DZIP1: variants seen among roughly 807,000 people sequenced by gnomAD.
The protein encoded by DZIP1 is cilium assembly protein DZIP1.
In DZIP1, 97 loss-of-function variants were observed where a neutral mutation model predicts 107.6. The ratio of observed to expected loss-of-function variants is 0.90; its 90% CI spans 0.77 to 1.07. DZIP1 has a LOEUF of 1.07. Among genes scored for constraint, DZIP1 ranks in the 50% least tolerant of loss-of-function variants. DZIP1 has a pLI of 0.00. For synonymous variants in DZIP1, 390 were observed against 386.4 expected (o/e 1.01, Z -0.11); for missense variants, 1,035 against 1,063.6 (o/e 0.97, Z 0.37).
chr13:95,607,036 G>C (rs909007854), intron 13 of DZIP1, among the ~76,000 whole-genome samples: 1 of 138,918 alleles, frequency 7.2e-6, no homozygotes, highest in Non-Finnish European at 1.6e-5. Context: ...ACAAACCTCA[G>C]CTACTTTTTT....
chr13:95,612,059 A>C lies in DZIP1; in HGVS notation c.1292T>G (p.Leu431Arg), dbSNP rs751401029. The C allele has an allele frequency of 2.5e-6, 4 of 1,613,660 alleles. No individual in the cohort carries two copies. In the African/African-American group the frequency reaches 5.3e-5, roughly 22 times the overall value. ...LGQRLQEQNE[L>R]IITQRQQIKD... ...TACCTGCTGTCTCTGAGTTATAATC[A>C]GCTCATTCTGCTCCTGGAGTCTCTG... Residue 431 changes from leucine to arginine, a missense_variant, in exon 11 of 23, where the codon CTG becomes CGG. By Grantham distance (102) the Leu-to-Arg change is moderately radical (BLOSUM62 -2). Coordinates refer to ENST00000376829, the MANE Select transcript of DZIP1 (RefSeq NM_198968.4).
At chr13:95,588,412 A>T (rs1003814471) in intron 19 of DZIP1, among the ~76,000 whole-genome samples, 1 of 152,230 alleles carries the variant, frequency 6.6e-6, no homozygotes, top group African/African-American at 2.4e-5. Context: ...TGTCATCAAT[A>T]TCTCCAGAAT....
At chr13:95,614,125 C>CAAAAAA (rs11327779) in intron 10 of DZIP1, among the ~76,000 whole-genome samples, 1 of 73,414 alleles carries the variant, frequency 1.4e-5, no homozygotes, top group Non-Finnish European at 2.8e-5. Flanking sequence ...GACCCTGTCT[C>CAAAAAA]AAAAAAAAAA....
intron 16 of DZIP1, among the ~76,000 whole-genome samples, chr13:95,593,471 T>C (rs2138864776): frequency 6.6e-6 from 1 of 152,334 alleles, no homozygotes; most frequent in East Asian, 1.9e-4. Context: ...AATCTATATA[T>C]GATATACCAA....
rs1282880534 is a variant in DZIP1 at position 95,584,613 on chromosome 13, G to A, written c.2524+123C>T. On this transcript the variant is annotated intron_variant, in intron 22 of 22. Coordinates refer to ENST00000376829, the MANE Select transcript of DZIP1 (RefSeq NM_198968.4). ...CCAATCCTTATTTAAATAACATAAA[G>A]AAAGCACTGACAGCTTTTTTGTCTG... 4 of 1,461,112 alleles carry A rather than the reference G, an allele frequency of 2.7e-6. No homozygotes were observed. The South Asian group carries it at 6.8e-5, about 25-fold the overall frequency. The allele number at this position is 1,461,112 out of a possible 1,614,324, so 90.5% of individuals were successfully genotyped here. A position where few individuals can be genotyped will look rare whatever the true frequency, so the allele number is the denominator to read the frequency against.
chr13:95,627,405 T>C (rs1346941921), intron 7 of DZIP1, among the ~76,000 whole-genome samples: 1 of 152,292 alleles, frequency 6.6e-6, no homozygotes, highest in East Asian at 1.9e-4. Flanking sequence ...ATGAAACTAT[T>C]AGTGTATATA....
In DZIP1 at chr13:95,630,120, C is replaced by A; in HGVS notation, c.686-7G>T. ...TGTGCATTTTTCTGATACTCTGTTGCAACAGAAAATCGTGTTAAAACACCA... is the reference window on the plus strand; with the variant it reads ...TGTGCATTTTTCTGATACTCTGTTGAAACAGAAAATCGTGTTAAAACACCA... On this transcript the variant is annotated splice_region_variant and splice_polypyrimidine_tract_variant and intron_variant, in intron 6 of 22. Transcript: ENST00000376829. The A allele has an allele frequency of 1.2e-6, 2 of 1,607,836 alleles. No homozygotes were observed. The highest frequency in any genetic ancestry group is 1.1e-5 in the South Asian group (1 of 89,760).
At chr13:95,631,209 C>T (rs1047941524) in intron 6 of DZIP1, among the ~76,000 whole-genome samples, 2 of 152,006 alleles carry the variant, frequency 1.3e-5, no homozygotes, top group Non-Finnish European at 2.9e-5. Context: ...TATTCCTAGC[C>T]CTTTGGTAGT....
chr13:95,607,939 T>C (rs769314422), intron 13 of DZIP1, among the ~76,000 whole-genome samples: 6 of 152,256 alleles, frequency 3.9e-5, no homozygotes, highest in Non-Finnish European at 5.9e-5. Flanking sequence ...TTACTGGCTA[T>C]AGGTCTGATT....
At chr13:95,629,854 G>C in intron 7 of DZIP1, 135 bp downstream of exon 7, 1 of 831,032 alleles carries the variant, frequency 1.2e-6, no homozygotes, top group Non-Finnish European at 1.7e-6. Context: ...CTAAAGAGTA[G>C]ATTGGCAATA....
intron 9 of DZIP1, among the ~76,000 whole-genome samples, chr13:95,620,575 A>G (rs186548155): frequency 6.6e-6 from 1 of 152,332 alleles, no homozygotes; most frequent in Non-Finnish European, 1.5e-5. Flanking sequence ...GGGCCAGACA[A>G]CTTGGTCACA....
At chr13:95,640,842 G>A (rs1878400741) in intron 5 of DZIP1, among the ~76,000 whole-genome samples, 1 of 152,150 alleles carries the variant, frequency 6.6e-6, no homozygotes, top group Non-Finnish European at 1.5e-5. Flanking sequence ...GGGGAATCTG[G>A]GTGAAGGGCG....
At chr13:95,598,344 G>T (rs1290476368) in intron 15 of DZIP1, among the ~76,000 whole-genome samples, 1 of 152,050 alleles carries the variant, frequency 6.6e-6, no homozygotes, top group Non-Finnish European at 1.5e-5. Flanking sequence ...ATACATGGAA[G>T]CAAAATAAAC....
At chr13:95,616,126 C>A (rs1029697833) in intron 10 of DZIP1, among the ~76,000 whole-genome samples, 3 of 152,150 alleles carry the variant, frequency 2.0e-5, no homozygotes, top group African/African-American at 7.2e-5. Flanking sequence ...ACCTGTGGTG[C>A]AGAGAAACTA....
At chr13:95,635,480 A>AC (rs1877692264) in intron 5 of DZIP1, among the ~76,000 whole-genome samples, 1 of 152,160 alleles carries the variant, frequency 6.6e-6, no homozygotes, top group South Asian at 2.1e-4. Flanking sequence ...TACAGGTGTA[A>AC]CCCACGGTGC....
chr13:95,622,989 C>G (rs1876089813), intron 8 of DZIP1, among the ~76,000 whole-genome samples: 1 of 152,108 alleles, frequency 6.6e-6, no homozygotes, highest in African/African-American at 2.4e-5. Context: ...ACACAACAAT[C>G]TGCCTACCTC....
In DZIP1 at chr13:95,590,404, ACT is replaced by A; in HGVS notation, c.1716_1717del (p.Arg572SerfsTer11). On this transcript the variant is annotated frameshift_variant, in exon 17 of 23. Transcript: ENST00000376829. LOFTEE classifies it high-confidence loss of function. Reference sequence around the variant, plus strand: ...TCTTTCTGATTCCACACTTTTTAGTACTCTATGCAACTGATCACTTGAAATGC... The same window carrying A: ...TCTTTCTGATTCCACACTTTTTAGTACTATGCAACTGATCACTTGAAATGC... 6.2e-7 allele frequency: 1 copy of A among 1,611,046 alleles called. No individual in the cohort carries two copies. Among genetic ancestry groups the A allele is most frequent in the Non-Finnish European group, 8.5e-7 (1 of 1,179,352 alleles).
intron 7 of DZIP1, among the ~76,000 whole-genome samples, chr13:95,628,600 G>C (rs976797831): frequency 1.3e-5 from 2 of 152,172 alleles, no homozygotes; most frequent in African/African-American, 4.8e-5. Flanking sequence ...AGCAGCATCA[G>C]TCATAATAGT....
chr13:95,632,034 C>T (rs894634805), intron 6 of DZIP1, among the ~76,000 whole-genome samples: 5 of 152,200 alleles, frequency 3.3e-5, no homozygotes, highest in Admixed American at 3.3e-4. Flanking sequence ...TCCATGACAA[C>T]ACACTCCCCA....
Sources: gnomAD v4.1 joint callset for allele counts (sites outside exome capture counted in the v4.1 genomes callset) on GRCh38, gnomAD v4.1.1 for gene constraint, MANE v1.5 for transcripts, NCBI Gene and HGNC (gene_info 2026-07-23, HGNC 2026-07-21) for gene names.